DPP6: variants seen among roughly 807,000 people sequenced by gnomAD.
The protein encoded by DPP6 is A-type potassium channel modulatory protein DPP6.
A neutral mutation model predicts 122.6 loss-of-function variants in DPP6; 69 were observed. The ratio of observed to expected loss-of-function variants is 0.56; its 90% CI spans 0.46 to 0.69. The LOEUF is 0.69. DPP6 is among the 30% of genes least tolerant of loss of function. DPP6 has a pLI of 0.00. For synonymous variants in DPP6, 418 were observed against 433.1 expected (o/e 0.97, Z 0.43); for missense variants, 928 against 1,116.9 (o/e 0.83, Z 2.41).
intron 3 of DPP6, among the ~76,000 whole-genome samples, chr7:154,514,314 C>T (rs535120111): frequency 1.5e-4 from 23 of 152,192 alleles, no homozygotes; most frequent in African/African-American, 3.9e-4. Flanking sequence ...TACAGCTAGA[C>T]GCTAATTCAG....
chr7:154,880,978 G>A (rs1462530379), intron 21 of DPP6, 36 bp downstream of exon 21: 1 of 1,611,996 alleles, frequency 6.2e-7, no homozygotes, highest in South Asian at 1.1e-5. Flanking sequence ...AAACCCCTCA[G>A]TTCCAGTGTG....
chr7:154,210,694 T>C (rs1462629038), intron 1 of DPP6, among the ~76,000 whole-genome samples: 1 of 152,050 alleles, frequency 6.6e-6, no homozygotes, highest in African/African-American at 2.4e-5. Flanking sequence ...GGCAAAGACA[T>C]GCTGGTAGAG....
chr7:154,487,835 T>C (rs1048476251), intron 3 of DPP6, among the ~76,000 whole-genome samples: 2 of 152,124 alleles, frequency 1.3e-5, no homozygotes, highest in African/African-American at 4.8e-5. Context: ...CCTTCTTAAT[T>C]AATAAAAAAG....
At chr7:154,516,978 T>C (rs996585988) in intron 3 of DPP6, among the ~76,000 whole-genome samples, 38 of 152,220 alleles carry the variant, frequency 2.5e-4, no homozygotes, top group Non-Finnish European at 7.3e-5. Context: ...TCTGTTATCT[T>C]TTTTTATTTT....
chr7:154,470,649 G>C (rs374670144), intron 2 of DPP6, among the ~76,000 whole-genome samples: 9 of 152,198 alleles, frequency 5.9e-5, no homozygotes, highest in Non-Finnish European at 1.3e-4. Context: ...ATTGGCCACC[G>C]TAAAGAGTAA....
intron 1 of DPP6, among the ~76,000 whole-genome samples, chr7:154,384,145 A>G (rs193252652): frequency 1.3e-5 from 2 of 152,214 alleles, no homozygotes; most frequent in East Asian, 3.9e-4. Context: ...CTGGAGCGCT[A>G]AGAGCGTTGG....
At chr7:154,535,915 T>C (rs1178312296) in intron 3 of DPP6, among the ~76,000 whole-genome samples, 1 of 152,158 alleles carries the variant, frequency 6.6e-6, no homozygotes, top group Non-Finnish European at 1.5e-5. Flanking sequence ...CTTATACAAT[T>C]GATGGTGGAA....
chr7:153,964,338 T>A (rs1459173200), intron 1 of DPP6, among the ~76,000 whole-genome samples: 2 of 152,172 alleles, frequency 1.3e-5, no homozygotes, highest in African/African-American at 4.8e-5. Flanking sequence ...GCTCCAGAGT[T>A]GTTGAAATGT....
chr7:154,753,282 C>A (rs1041267239), intron 8 of DPP6, among the ~76,000 whole-genome samples: 2 of 152,102 alleles, frequency 1.3e-5, no homozygotes, highest in African/African-American at 2.4e-5. Context: ...CGCTGGGGTA[C>A]AAAGGGTGCC....
At chr7:154,801,696 G>A (rs1220281010) in intron 13 of DPP6, among the ~76,000 whole-genome samples, 1 of 152,152 alleles carries the variant, frequency 6.6e-6, no homozygotes, top group Non-Finnish European at 1.5e-5. Flanking sequence ...TTCTGCCAAG[G>A]TCAGCAGAGA....
intron 1 of DPP6, among the ~76,000 whole-genome samples, chr7:153,894,278 A>G: frequency 6.6e-6 from 1 of 152,220 alleles, no homozygotes; most frequent in East Asian, 1.9e-4. Flanking sequence ...TATTAAACTA[A>G]AATAAATTCA....
At chr7:154,267,956 C>G (rs1384890708) in intron 1 of DPP6, among the ~76,000 whole-genome samples, 5 of 148,974 alleles carry the variant, frequency 3.4e-5, no homozygotes, top group African/African-American at 1.3e-4. Flanking sequence ...CCCTTATAAA[C>G]ACATATACAC....
At chr7:154,465,666 C>T (rs1002487392) in intron 2 of DPP6, among the ~76,000 whole-genome samples, 7 of 152,222 alleles carry the variant, frequency 4.6e-5, no homozygotes, top group Non-Finnish European at 2.9e-5. Flanking sequence ...GATACTATCT[C>T]ACTGCAGTTA....
At chr7:154,388,956 A>T (rs1161677057) in intron 1 of DPP6, among the ~76,000 whole-genome samples, 1 of 152,164 alleles carries the variant, frequency 6.6e-6, no homozygotes, top group Non-Finnish European at 1.5e-5. Context: ...GCTACTACAA[A>T]TGACATTCCA....
chr7:154,305,227 C>G (rs1025564816), intron 1 of DPP6: 2 of 1,197,840 alleles, frequency 1.7e-6, no homozygotes, highest in Non-Finnish European at 2.1e-6. Flanking sequence ...GTTTCTGTGG[C>G]GATTGCAGAG....
chr7:154,231,083 C>G (rs960524142), intron 1 of DPP6, among the ~76,000 whole-genome samples: 1 of 152,162 alleles, frequency 6.6e-6, no homozygotes, highest in Non-Finnish European at 1.5e-5. Context: ...GCATATTGAG[C>G]TGTTTCATTA....
rs1226015409 is a variant in DPP6, at chr7:154,575,621, G to GGTGT, written c.627+8713_627+8716dup. ...GTGTGTGGTGTGTGTATGTGTGTGTGGTGTGTGTGTGGTGTGTGTGGTGTG... is the reference window on the plus strand; with the variant it reads ...GTGTGTGGTGTGTGTATGTGTGTGTGGTGTGTGTGTGTGTGGTGTGTGTGGTGTG... On this transcript the variant is annotated intron_variant, in intron 5 of 25. Coordinates refer to ENST00000377770, the MANE Select transcript of DPP6 (RefSeq NM_130797.4). 1.2e-3 allele frequency among the ~76,000 whole-genome samples: 160 copies of GGTGT among 132,944 alleles called. 2 individuals carry two copies. The highest frequency in any genetic ancestry group is 4.5e-3 in the African/African-American group (153 of 34,050). 87.2% of individuals were successfully genotyped at this position (132,944 alleles called of 152,430 possible). A position where few individuals can be genotyped will look rare whatever the true frequency, so the allele number is the denominator to read the frequency against.
intron 1 of DPP6, among the ~76,000 whole-genome samples, chr7:154,417,789 G>A (rs1817151442): frequency 6.6e-6 from 1 of 151,476 alleles, no homozygotes; most frequent in East Asian, 1.9e-4. Context: ...GCTACTCTGT[G>A]CCAGCTACTC....
chr7:154,542,698 A>C (rs1227449118), intron 4 of DPP6, among the ~76,000 whole-genome samples: 3 of 152,134 alleles, frequency 2.0e-5, no homozygotes, highest in Non-Finnish European at 2.9e-5. Flanking sequence ...TTTTATAAAC[A>C]TTTATTAAGC....
Sources: gnomAD v4.1 joint callset for allele counts (sites outside exome capture counted in the v4.1 genomes callset) on GRCh38, gnomAD v4.1.1 for gene constraint, MANE v1.5 for transcripts, NCBI Gene and HGNC (gene_info 2026-07-23, HGNC 2026-07-21) for gene names.